IARS1: variants seen among roughly 807,000 people sequenced by gnomAD.
IARS1 encodes isoleucyl-tRNA synthetase 1, also known as isoleucine--tRNA ligase, cytoplasmic.
A neutral mutation model predicts 168.2 loss-of-function variants in IARS1; 124 were observed. The ratio of observed to expected loss-of-function variants is 0.74; its 90% CI spans 0.64 to 0.86. The LOEUF is 0.86. IARS1 is among the 40% of genes least tolerant of loss of function. The probability of loss-of-function intolerance (pLI) is 0.00; values close to 1 mark genes in which losing one functional copy is unlikely to be tolerated. For synonymous variants in IARS1, 532 were observed against 529.4 expected, an observed-to-expected ratio of 1.00 and a Z score of -0.07; for missense variants, 1,452 against 1,515.8, an observed-to-expected ratio of 0.96 and a Z score of 0.70.
At chr9:92,246,273 A>G (rs1426739490) in intron 26 of IARS1, among the ~76,000 whole-genome samples, 1 of 152,134 alleles carries the variant, frequency 6.6e-6, no homozygotes, top group African/African-American at 2.4e-5. Context: ...CCCCCATCTG[A>G]TTTATGAATC....
At chr9:92,211,824 C>T (rs947728145) in intron 33 of IARS1, among the ~76,000 whole-genome samples, 1 of 152,078 alleles carries the variant, frequency 6.6e-6, no homozygotes, top group African/African-American at 2.4e-5. Flanking sequence ...AAGCCTAGGA[C>T]ATGTTGCTAC....
At chr9:92,281,803 T>C (rs1432629109) in intron 6 of IARS1, among the ~76,000 whole-genome samples, 1 of 152,164 alleles carries the variant, frequency 6.6e-6, no homozygotes, top group Admixed American at 6.5e-5. Context: ...TAGTCACATG[T>C]AAAACATCAG....
intron 11 of IARS1, 58 bp downstream of exon 11, chr9:92,271,475 G>C (rs184824581): frequency 6.3e-7 from 1 of 1,587,336 alleles, no homozygotes; most frequent in East Asian, 2.2e-5. Flanking sequence ...AATTATAAAT[G>C]ATGGTAGAGA....
At chr9:92,220,648 CAAAA>C (rs1554723326) in intron 33 of IARS1, among the ~76,000 whole-genome samples, 1 of 151,652 alleles carries the variant, frequency 6.6e-6, no homozygotes, top group Non-Finnish European at 1.5e-5. Context: ...AACAAACAAA[CAAAA>C]AACACGAATA....
chr9:92,226,070 G>A (rs1239634222), intron 31 of IARS1, among the ~76,000 whole-genome samples: 2 of 152,166 alleles, frequency 1.3e-5, no homozygotes, highest in Admixed American at 6.5e-5. Context: ...TCATCCTACC[G>A]TGACTTTAGG....
At chr9:92,268,888 C>A (rs1832657533) in intron 13 of IARS1, among the ~76,000 whole-genome samples, 1 of 152,136 alleles carries the variant, frequency 6.6e-6, no homozygotes. Flanking sequence ...TTGCATCCCT[C>A]CCACTCCCAG....
rs1303392686 is a variant in IARS1, at chr9:92,287,815, C to A, written c.372G>T (p.Val124=). The change falls in exon 4 of 34, where the codon GTG becomes GTT. Residue 124 remains valine (V), a synonymous_variant. Transcript: ENST00000443024. Reference sequence around the variant, plus strand: ...CCTTCCACTCAGCAGAATATCTCATCACAATTGCTCGGCACTGATTGTTAT... The same window carrying A: ...CCTTCCACTCAGCAGAATATCTCATAACAATTGCTCGGCACTGATTGTTAT... ...TEYNNQCRAI[V]MRYSAEWKST... 6.2e-7 allele frequency: 1 copy of A among 1,613,240 alleles called. No individual in the cohort carries two copies. Among genetic ancestry groups the A allele is most frequent in the Non-Finnish European group, 8.5e-7 (1 of 1,179,750 alleles).
chr9:92,225,768 A>G (rs1587715057), intron 31 of IARS1, among the ~76,000 whole-genome samples: 1 of 152,170 alleles, frequency 6.6e-6, no homozygotes, highest in African/African-American at 2.4e-5. Flanking sequence ...TCACAGACAA[A>G]TCTACACAGG....
chr9:92,221,439 C>G (rs1839650790), intron 33 of IARS1, among the ~76,000 whole-genome samples: 1 of 152,088 alleles, frequency 6.6e-6, no homozygotes, highest in Non-Finnish European at 1.5e-5. Context: ...ATTGAGATGT[C>G]AAGAATGGGT....
At chr9:92,263,969 G>A (rs1005887895) in intron 16 of IARS1, among the ~76,000 whole-genome samples, 2 of 152,204 alleles carry the variant, frequency 1.3e-5, no homozygotes, top group African/African-American at 4.8e-5. Flanking sequence ...ATTACCCAAA[G>A]CTGTCAAAGA....
chr9:92,217,306 C>T (rs2133352462), intron 33 of IARS1, among the ~76,000 whole-genome samples: 2 of 146,944 alleles, frequency 1.4e-5, no homozygotes, highest in East Asian at 2.0e-4. Context: ...CACTAAATGC[C>T]CACAAGAGAA....
At chr9:92,293,366 T>C (rs560556342) in intron 1 of IARS1, 50 of 417,184 alleles carry the variant, frequency 1.2e-4, no homozygotes, top group African/African-American at 8.8e-4. Flanking sequence ...GTATTGCCTA[T>C]ACATAAAGTC....
In IARS1 at chr9:92,288,254, C is replaced by G. The variant is rs996209176; in HGVS notation, c.148G>C (p.Ala50Pro). Reference sequence around the variant, plus strand: ...TGTCCATAGTGAGGCAGTCCAGTTGCAAAAGGAGGACCATCATAGAAGGTA... The same window carrying G: ...TGTCCATAGTGAGGCAGTCCAGTTGGAAAAGGAGGACCATCATAGAAGGTA... ...KFTFYDGPPF[A>P]TGLPHYGHIL... is the part of the protein sequence containing the mutation. The change falls in exon 3 of 34, where the codon GCA becomes CCA. Residue 50 changes from alanine to proline, a missense_variant. Coordinates refer to ENST00000443024, the MANE Select transcript of IARS1 (RefSeq NM_002161.6). 1 of 1,613,914 alleles carries G rather than the reference C, an allele frequency of 6.2e-7. No homozygotes were observed. Among genetic ancestry groups the G allele is most frequent in the Non-Finnish European group, 8.5e-7 (1 of 1,179,926 alleles).
chr9:92,271,466 A>G, intron 11 of IARS1, 67 bp downstream of exon 11: 1 of 1,577,686 alleles, frequency 6.3e-7, no homozygotes, highest in Non-Finnish European at 8.7e-7. Context: ...TTACAATACA[A>G]TTATAAATGA....
chr9:92,265,538 A>C lies in IARS1; in HGVS notation c.1447T>G (p.Ser483Ala). The C allele has an allele frequency of 6.2e-7, 1 of 1,614,074 alleles. No homozygotes were observed. The highest frequency in any genetic ancestry group is 1.6e-4 in the Middle Eastern group (1 of 6,062). Residue 483 changes from serine (S) to alanine (A), a missense_variant, in exon 15 of 34, where the codon TCA (serine) becomes GCA (alanine). Transcript: ENST00000443024. ...DDFEEVVCIG[S>A]VAELEELSGA... ...GACAGTTCTTCAAGTTCCGCCACTGACCCAATGCATACCACCTGTCAAAAA... is the reference window on the plus strand; with the variant it reads ...GACAGTTCTTCAAGTTCCGCCACTGCCCCAATGCATACCACCTGTCAAAAA...
Position 92,247,467 on chromosome 9 carries a change from G to A in IARS1, c.2701C>T (p.Leu901=), listed in dbSNP as rs369618278. The A allele has an allele frequency of 2.2e-5, 35 of 1,614,028 alleles. No homozygotes were observed. Among genetic ancestry groups the A allele is most frequent in the Non-Finnish European group, 3.0e-5 (35 of 1,180,026 alleles). ...AAGGCTCCCTTCAGACGCTTCCCCAGGACCATGTGATCTGGTTCTGCCCTT... is the reference window on the plus strand; with the variant it reads ...AAGGCTCCCTTCAGACGCTTCCCCAAGACCATGTGATCTGGTTCTGCCCTT... The part of the protein sequence containing the change: ...RLRAEPDHMV[L]GKRLKGAFKA... The change falls in exon 26 of 34, where the codon CTG becomes TTG. Residue 901 remains leucine, a synonymous_variant. Coordinates refer to ENST00000443024, the MANE Select transcript of IARS1 (RefSeq NM_002161.6).
At chr9:92,284,437 C>A (rs768339257) in intron 6 of IARS1, among the ~76,000 whole-genome samples, 13 of 151,282 alleles carry the variant, frequency 8.6e-5, no homozygotes, top group South Asian at 2.1e-4. Flanking sequence ...ATTAATTATA[C>A]CATTCTGTTT....
At position 92,229,114 on chromosome 9, in the gene IARS1, A is replaced by G; in HGVS notation, c.3296T>C (p.Leu1099Pro). ...ATTGTCACCTTTTGGATTTTCCAGG[A>G]GCAATACTCCACCTAAAAAGCCACA... is the stretch of plus-strand genomic sequence containing the variant. ...ANGSEQGGVLLLENPKGDNRL... is the reference protein window; with the variant it reads ...ANGSEQGGVLPLENPKGDNRL... The change falls in exon 31 of 34, where the codon CTC becomes CCC. Residue 1099 changes from leucine (L) to proline (P), a missense_variant. Coordinates refer to ENST00000443024, the MANE Select transcript of IARS1 (RefSeq NM_002161.6). The G allele has an allele frequency of 5.6e-6, 9 of 1,613,582 alleles. No individual in the cohort carries two copies. The highest frequency in any genetic ancestry group is 6.8e-6 in the Non-Finnish European group (8 of 1,179,840).
chr9:92,262,910 C>A, intron 17 of IARS1, 59 bp downstream of exon 17: 2 of 1,249,168 alleles, frequency 1.6e-6, no homozygotes, highest in Non-Finnish European at 1.2e-6. Context: ...CTCACGCACT[C>A]CTTCTTAAGA....
Sources: allele counts gnomAD v4.1 joint callset (sites outside exome capture counted in the v4.1 genomes callset), GRCh38; gene constraint gnomAD v4.1.1; transcripts MANE v1.5; gene names NCBI Gene and HGNC (gene_info 2026-07-23, HGNC 2026-07-21).